NKIRAS1: variants seen among roughly 807,000 people sequenced by gnomAD.
The protein encoded by NKIRAS1 is NF-kappa-B inhibitor-interacting Ras-like protein 1.
NKIRAS1 carries 16 observed loss-of-function variants against 19.8 expected under a neutral mutation model. The ratio of observed to expected loss-of-function variants is 0.81; its 90% CI spans 0.55 to 1.23. The LOEUF (loss-of-function observed/expected upper bound fraction) is 1.23. NKIRAS1 is among the 50% of genes most tolerant of loss of function. The pLI is 0.00. For missense variants in NKIRAS1, 184 were observed against 220.0 expected (o/e 0.84, Z 1.04); for synonymous variants, 88 against 79.0 (o/e 1.11, Z -0.61).
At chr3:23,933,526 T>G (rs1705347993) in intron 1 of NKIRAS1, among the ~76,000 whole-genome samples, 1 of 152,210 alleles carries the variant, frequency 6.6e-6, no homozygotes, top group Non-Finnish European at 1.5e-5. Flanking sequence ...AAAATGTCAA[T>G]AGCACCACTG....
chr3:23,929,914 T>A (rs1705275768), intron 1 of NKIRAS1, among the ~76,000 whole-genome samples: 1 of 152,228 alleles, frequency 6.6e-6, no homozygotes, highest in South Asian at 2.1e-4. Context: ...TTGGTTTATT[T>A]TCTTCCAGTC....
chr3:23,919,965 C>T (rs1704980648), upstream of NKIRAS1: 2 of 988,364 alleles, frequency 2.0e-6, no homozygotes, highest in Non-Finnish European at 2.4e-6. Context: ...AAGAAAATTG[C>T]CTCAGCCTCC....
intron 1 of NKIRAS1, 146 bp from the exon 2 acceptor site, chr3:23,911,596 C>A (rs1441250313): frequency 6.6e-6 from 1 of 152,274 alleles, no homozygotes; most frequent in Middle Eastern, 3.4e-3. Context: ...TTGAAAGAGA[C>A]TGCCTACTCA....
upstream of NKIRAS1, chr3:23,919,038 T>TAC: frequency 1.6e-6 from 1 of 621,172 alleles, no homozygotes; most frequent in East Asian, 2.7e-5. Context: ...ATTATCTCAT[T>TAC]ACACTTGTGA....
rs1701590625 is a variant in NKIRAS1 at position 23,893,032 on chromosome 3, C to G, written c.*63G>C. The G allele has an allele frequency of 2.7e-6, 4 of 1,466,626 alleles. No individual in the cohort carries two copies. The highest frequency in any genetic ancestry group is 2.7e-6 in the Non-Finnish European group (3 of 1,103,744). 90.9% of individuals were successfully genotyped at this position (1,466,626 alleles called of 1,614,324 possible). On this transcript the variant is annotated 3_prime_UTR_variant, in exon 5 of 5. Transcript: ENST00000425478. Reference sequence around the variant, plus strand: ...GCCTATTTTAAATAGTAATATTACTCCATGTTCACAGACACTTAAAGGCAA... The same window carrying G: ...GCCTATTTTAAATAGTAATATTACTGCATGTTCACAGACACTTAAAGGCAA...
At chr3:23,918,737 T>A, upstream of NKIRAS1, 3 of 833,736 alleles carry the variant, frequency 3.6e-6, no homozygotes, top group South Asian at 1.8e-5. Context: ...CTTGAAAGAC[T>A]TGTCTTTGTT....
intron 1 of NKIRAS1, among the ~76,000 whole-genome samples, chr3:23,944,957 G>A (rs1364844993): frequency 6.6e-6 from 1 of 152,044 alleles, no homozygotes; most frequent in Admixed American, 6.6e-5. Context: ...CCACCAGGTT[G>A]GGGGGCAGGG....
chr3:23,897,697 C>T (rs1025723996), intron 4 of NKIRAS1, among the ~76,000 whole-genome samples: 2 of 152,134 alleles, frequency 1.3e-5, no homozygotes, highest in African/African-American at 2.4e-5. Context: ...AGCTTTGTTC[C>T]CTCCCTCCTT....
At position 23,904,097 on chromosome 3, in the gene NKIRAS1, G is replaced by A. The variant is rs140568630; in HGVS notation, c.95-3048C>T. ...GGAGAATTGCCTGAACTCAGGATGC[G>A]GAGGCTGCAGTGAGCTGAGATCGTG... On this transcript the variant is annotated intron_variant, in intron 3 of 4. Transcript: ENST00000425478. Among the ~76,000 whole-genome samples, 647 of 152,244 alleles carry A rather than the reference G, an allele frequency of 4.2e-3. 3 individuals are homozygous for A. Among genetic ancestry groups the A allele is most frequent in the African/African-American group, 0.014 (586 of 41,548 alleles).
chr3:23,896,475 T>C (rs183322977), intron 4 of NKIRAS1, among the ~76,000 whole-genome samples: 9 of 151,902 alleles, frequency 5.9e-5, no homozygotes, highest in African/African-American at 2.2e-4. Flanking sequence ...TAGCCAGGTG[T>C]GGTGGTGAAC....
rs1027404609 is a variant in NKIRAS1, at chr3:23,910,805, T to A, written c.94+6A>T. 59 of 1,605,144 alleles carry A rather than the reference T, an allele frequency of 3.7e-5. 1 individual carries two copies. The highest frequency in any genetic ancestry group is 4.9e-5 in the Non-Finnish European group (58 of 1,171,938). On this transcript the variant is annotated splice_donor_region_variant and intron_variant, in intron 3 of 4. Transcript: ENST00000425478. ...CTAGAGACAAACTAGAGAAAAACAA[T>A]CTTACCAATAGTATGATTTCCATAA...
At chr3:23,936,331 G>C (rs1045660906) in intron 1 of NKIRAS1, among the ~76,000 whole-genome samples, 6 of 152,092 alleles carry the variant, frequency 3.9e-5, no homozygotes, top group African/African-American at 1.4e-4. Flanking sequence ...CTGAAGGGAG[G>C]CAGCCACTAA....
chr3:23,946,201 G>T, intron 1 of NKIRAS1: 1 of 985,388 alleles, frequency 1.0e-6, no homozygotes, highest in East Asian at 1.1e-4. Context: ...GGGCGTCCCC[G>T]AAGCGGGCGC....
intron 2 of NKIRAS1, 63 bp from the exon 3 acceptor site, chr3:23,910,984 TTCAG>T: frequency 8.0e-7 from 1 of 1,245,088 alleles, no homozygotes; most frequent in Non-Finnish European, 1.2e-6. Flanking sequence ...TTCTTTTTCT[TTCAG>T]TATTTCAATT....
chr3:23,891,303 C>T lies in NKIRAS1; in HGVS notation c.*1792G>A, dbSNP rs1004917480. ...CTGTGCTAATAAACAATATTAAAAA[C>T]CACCTAATAAACACTGCTGTGTTCA... On this transcript the variant is annotated 3_prime_UTR_variant, in exon 5 of 5. Coordinates refer to ENST00000425478, the MANE Select transcript of NKIRAS1 (RefSeq NM_020345.4). 1.3e-5 allele frequency: 2 copies of T among 152,192 alleles called. No individual in the cohort carries two copies. The highest frequency in any genetic ancestry group is 2.9e-5 in the Non-Finnish European group (2 of 68,038). 9.4% of individuals were successfully genotyped at this position (152,192 alleles called of 1,614,324 possible).
chr3:23,931,395 A>G (rs1705312910), intron 1 of NKIRAS1, among the ~76,000 whole-genome samples: 1 of 152,156 alleles, frequency 6.6e-6, no homozygotes, highest in African/African-American at 2.4e-5. Flanking sequence ...TCTCCCAAAT[A>G]TAGTCGTGGC....
At chr3:23,914,717 A>C (rs1448674347) in intron 1 of NKIRAS1, among the ~76,000 whole-genome samples, 3 of 152,238 alleles carry the variant, frequency 2.0e-5, no homozygotes, top group Admixed American at 2.0e-4. Flanking sequence ...CTGGAAACAC[A>C]AATCCAAATC....
chr3:23,904,816 A>G (rs899833160), intron 3 of NKIRAS1, among the ~76,000 whole-genome samples: 2 of 152,234 alleles, frequency 1.3e-5, no homozygotes, highest in African/African-American at 4.8e-5. Context: ...AATTTATCAC[A>G]TAATAGCCAG....
intron 3 of NKIRAS1, among the ~76,000 whole-genome samples, chr3:23,909,387 C>A (rs982318337): frequency 2.6e-5 from 4 of 152,072 alleles, no homozygotes; most frequent in Non-Finnish European, 5.9e-5. Flanking sequence ...ATTAGCCAGA[C>A]GTGGTAGCAC....
Sources: allele counts gnomAD v4.1 joint callset (sites outside exome capture counted in the v4.1 genomes callset), GRCh38; gene constraint gnomAD v4.1.1; transcripts MANE v1.5; gene names NCBI Gene and HGNC (gene_info 2026-07-23, HGNC 2026-07-21).